The following CCSER1 variants were observed in gnomAD, a reference collection of about 807,000 sequenced individuals.
CCSER1 encodes serine-rich coiled-coil domain-containing protein 1.
CCSER1 carries 41 observed loss-of-function variants against 82.0 expected under a neutral mutation model. The observed-to-expected ratio is 0.50, with a 90% confidence interval of 0.39 to 0.65. The LOEUF (loss-of-function observed/expected upper bound fraction) is 0.65, where lower values mean the gene tolerates loss of function less well. Ranked by LOEUF, CCSER1 falls within the 30% of genes least tolerant of loss-of-function variation. The probability of loss-of-function intolerance (pLI) is 0.00; values close to 1 mark genes in which losing one functional copy is unlikely to be tolerated. For missense variants in CCSER1, 1,119 were observed against 1,064.2 expected, an observed-to-expected ratio of 1.05 and a Z score of -0.72; for synonymous variants, 414 against 383.9, an observed-to-expected ratio of 1.08 and a Z score of -0.92.
intron 10 of CCSER1, among the ~76,000 whole-genome samples, chr4:91,391,739 T>A (rs1751664540): frequency 6.6e-6 from 1 of 152,176 alleles, no homozygotes; most frequent in African/African-American, 2.4e-5. Flanking sequence ...TTAAATTTGT[T>A]AAGTTGTGTT....
intron 10 of CCSER1, among the ~76,000 whole-genome samples, chr4:91,214,408 G>A (rs1055272340): frequency 6.6e-6 from 1 of 152,112 alleles, no homozygotes; most frequent in Non-Finnish European, 1.5e-5. Context: ...TGCCCATAAA[G>A]AGACCATCAA....
At chr4:90,724,484 C>A (rs1433577820) in intron 7 of CCSER1, among the ~76,000 whole-genome samples, 3 of 151,654 alleles carry the variant, frequency 2.0e-5, no homozygotes, top group Non-Finnish European at 4.4e-5. Context: ...AGTAAATATG[C>A]AAATAAGTAT....
chr4:91,111,156 A>AG (rs1350086552), intron 10 of CCSER1, among the ~76,000 whole-genome samples: 5 of 151,974 alleles, frequency 3.3e-5, no homozygotes, highest in Non-Finnish European at 7.4e-5. Context: ...AAGCATGTTT[A>AG]TGCTGTTGCA....
intron 1 of CCSER1, among the ~76,000 whole-genome samples, chr4:90,285,041 A>G (rs2153462590): frequency 1.3e-5 from 2 of 152,048 alleles, no homozygotes; most frequent in South Asian, 4.2e-4. Context: ...GGGTTATTGT[A>G]GCTCTTGTTT....
intron 9 of CCSER1, among the ~76,000 whole-genome samples, chr4:90,959,585 A>G (rs1202884699): frequency 6.6e-6 from 1 of 152,160 alleles, no homozygotes; most frequent in Non-Finnish European, 1.5e-5. Flanking sequence ...TCCTAAAAAT[A>G]ACTTAAAGTG....
chr4:90,373,605 G>A (rs1386152602), intron 3 of CCSER1, among the ~76,000 whole-genome samples: 4 of 152,164 alleles, frequency 2.6e-5, no homozygotes. Context: ...TTTAAGACAT[G>A]TAGTTAGGTC....
chr4:91,041,290 C>T (rs1414388593), intron 9 of CCSER1, among the ~76,000 whole-genome samples: 1 of 152,114 alleles, frequency 6.6e-6, no homozygotes, highest in Non-Finnish European at 1.5e-5. Context: ...CTGATTGATG[C>T]TTTGTCTGTA....
At chr4:91,503,292 A>G (rs375791175) in intron 10 of CCSER1, among the ~76,000 whole-genome samples, 1 of 151,670 alleles carries the variant, frequency 6.6e-6, no homozygotes, top group African/African-American at 2.4e-5. Flanking sequence ...CAGTGAGCCA[A>G]GATGGTGCCA....
chr4:90,324,623 C>T (rs565417482), intron 3 of CCSER1, among the ~76,000 whole-genome samples: 73 of 150,026 alleles, frequency 4.9e-4, no homozygotes, highest in African/African-American at 1.5e-3. Context: ...TGTAGGTTGC[C>T]TGTTCACTCT....
intron 6 of CCSER1, among the ~76,000 whole-genome samples, chr4:90,653,465 G>A (rs964371013): frequency 6.6e-6 from 1 of 151,896 alleles, no homozygotes; most frequent in African/African-American, 2.4e-5. Flanking sequence ...TGAAACGTAA[G>A]TATTGAAGAA....
At chr4:91,095,179 C>T (rs1724380120) in intron 10 of CCSER1, among the ~76,000 whole-genome samples, 1 of 152,156 alleles carries the variant, frequency 6.6e-6, no homozygotes, top group Non-Finnish European at 1.5e-5. Flanking sequence ...GAGCCCGGTC[C>T]CCTTCAGTCT....
intron 8 of CCSER1, among the ~76,000 whole-genome samples, chr4:90,906,679 A>G (rs1431789799): frequency 1.3e-5 from 2 of 152,116 alleles, no homozygotes; most frequent in African/African-American, 2.4e-5. Flanking sequence ...ATCTTCCTCA[A>G]TAAAAATATC....
At chr4:90,764,752 T>C (rs1277083244) in intron 7 of CCSER1, among the ~76,000 whole-genome samples, 1 of 152,082 alleles carries the variant, frequency 6.6e-6, no homozygotes, top group African/African-American at 2.4e-5. Flanking sequence ...TTTTAAAAAC[T>C]TTATTTTTCT....
intron 10 of CCSER1, among the ~76,000 whole-genome samples, chr4:91,328,467 C>G (rs539300416): frequency 2.2e-4 from 34 of 152,276 alleles, no homozygotes; most frequent in African/African-American, 7.9e-4. Flanking sequence ...AAGTCTGCCC[C>G]CATGATCCAA....
At chr4:90,953,420 A>G (rs971041231) in intron 9 of CCSER1, among the ~76,000 whole-genome samples, 2 of 151,604 alleles carry the variant, frequency 1.3e-5, no homozygotes, top group Non-Finnish European at 3.0e-5. Flanking sequence ...CTTACTAGCA[A>G]TGTTAATTCA....
chr4:91,318,813 A>G (rs752989808), intron 10 of CCSER1, among the ~76,000 whole-genome samples: 3 of 152,014 alleles, frequency 2.0e-5, no homozygotes, highest in Non-Finnish European at 2.9e-5. Context: ...AGACTTTACT[A>G]TGTTTTAGGC....
chr4:91,171,383 T>C (rs1279171502), intron 10 of CCSER1, among the ~76,000 whole-genome samples: 1 of 152,202 alleles, frequency 6.6e-6, no homozygotes, highest in Middle Eastern at 3.2e-3. Context: ...TTTGCTTAAT[T>C]TTAGAGAGGT....
intron 1 of CCSER1, among the ~76,000 whole-genome samples, chr4:90,219,305 A>G (rs1202685276): frequency 1.3e-5 from 2 of 152,146 alleles, no homozygotes; most frequent in Non-Finnish European, 2.9e-5. Flanking sequence ...CTTCATTGTG[A>G]TAGGAAATAT....
chr4:91,590,292 T>G (rs989137804), intron 10 of CCSER1, among the ~76,000 whole-genome samples: 14 of 151,102 alleles, frequency 9.3e-5, no homozygotes, highest in African/African-American at 2.7e-4. Context: ...ATTTGTGCAA[T>G]CTGAAAAAAA....
Sources: allele counts gnomAD v4.1 joint callset (sites outside exome capture counted in the v4.1 genomes callset), GRCh38; gene constraint gnomAD v4.1.1; transcripts MANE v1.5; gene names NCBI Gene and HGNC (gene_info 2026-07-23, HGNC 2026-07-21).